The following GALC variants were observed in gnomAD, a reference collection of about 807,000 sequenced individuals.
GALC encodes galactosylceramidase.
In GALC, 77 loss-of-function variants were observed where a neutral mutation model predicts 91.8. The ratio of observed to expected loss-of-function variants is 0.84; its 90% CI spans 0.70 to 1.01. The LOEUF is 1.01. GALC is among the 50% of genes least tolerant of loss of function. The pLI is 0.00. For missense variants in GALC, 882 were observed against 855.9 expected (o/e 1.03, Z -0.38); for synonymous variants, 357 against 306.7 (o/e 1.16, Z -1.71).
intron 10 of GALC, among the ~76,000 whole-genome samples, chr14:87,956,636 A>T (rs1038192603): frequency 6.8e-6 from 1 of 147,748 alleles, no homozygotes; most frequent in Admixed American, 6.7e-5. Flanking sequence ...TATATATGGT[A>T]TATATATATT....
chr14:87,937,538 C>T (rs1156668556), intron 16 of GALC, among the ~76,000 whole-genome samples: 1 of 151,734 alleles, frequency 6.6e-6, no homozygotes, highest in Non-Finnish European at 1.5e-5. Context: ...AAGTCCTATC[C>T]ATCCTAGTAG....
chr14:87,941,039 G>A (rs536913432), intron 15 of GALC, among the ~76,000 whole-genome samples: 1 of 151,886 alleles, frequency 6.6e-6, no homozygotes, highest in Non-Finnish European at 1.5e-5. Flanking sequence ...AGCAACAGTC[G>A]TATACTCTTG....
At chr14:87,953,427 T>C (rs1241066936) in intron 10 of GALC, 17 of 1,491,380 alleles carry the variant, frequency 1.1e-5, no homozygotes, top group Non-Finnish European at 1.5e-5. Context: ...CTCTTGAACA[T>C]TTTAGTCCTG....
intron 7 of GALC, among the ~76,000 whole-genome samples, chr14:87,975,550 G>A (rs1595225362): frequency 6.6e-6 from 1 of 152,026 alleles, no homozygotes; most frequent in African/African-American, 2.4e-5. Flanking sequence ...AATGTAGGCA[G>A]GAAAGGAAGA....
intron 9 of GALC, among the ~76,000 whole-genome samples, chr14:87,963,871 G>T (rs991249868): frequency 4.0e-5 from 6 of 151,862 alleles, no homozygotes; most frequent in African/African-American, 1.5e-4. Context: ...AGTTAATAAT[G>T]AATTTCAGAA....
intron 8 of GALC, among the ~76,000 whole-genome samples, chr14:87,967,300 C>T (rs1235816032): frequency 6.6e-6 from 1 of 152,122 alleles, no homozygotes; most frequent in Non-Finnish European, 1.5e-5. Flanking sequence ...GGATGGTTAG[C>T]TCTGGATCAT....
chr14:87,956,656 C>A (rs752128600), intron 10 of GALC, among the ~76,000 whole-genome samples: 45 of 151,040 alleles, frequency 3.0e-4, no homozygotes, highest in South Asian at 4.2e-4. Flanking sequence ...TTCCTTTATC[C>A]ACTCATCAGT....
intron 7 of GALC, among the ~76,000 whole-genome samples, chr14:87,972,048 G>C (rs1417252149): frequency 6.6e-6 from 1 of 152,062 alleles, no homozygotes; most frequent in East Asian, 1.9e-4. Flanking sequence ...AATGAGGCAG[G>C]GAGGAATAGT....
intron 10 of GALC, among the ~76,000 whole-genome samples, chr14:87,959,080 T>C (rs1885687603): frequency 6.6e-6 from 1 of 152,036 alleles, no homozygotes; most frequent in South Asian, 2.1e-4. Context: ...AAATTATACA[T>C]GAGACAAGGG....
At chr14:87,992,430 G>C in intron 1 of GALC, 8 of 1,535,356 alleles carry the variant, frequency 5.2e-6, no homozygotes, top group Non-Finnish European at 7.0e-6. Flanking sequence ...AATCCTATTC[G>C]GCGCTACCCT....
At chr14:87,977,868 G>A (rs916514797) in intron 6 of GALC, among the ~76,000 whole-genome samples, 2 of 152,156 alleles carry the variant, frequency 1.3e-5, no homozygotes, top group African/African-American at 4.8e-5. Context: ...AAAACGGGGT[G>A]AAAATTAGAG....
chr14:87,941,494 C>A lies in GALC; in HGVS notation c.1735G>T (p.Ala579Ser). Residue 579 changes from alanine (A) to serine (S), a missense_variant, in exon 15 of 17, where the codon GCA (alanine) becomes TCA (serine). Coordinates refer to ENST00000261304, the MANE Select transcript of GALC (RefSeq NM_000153.4). ...ATACCACCTTTATTTACTCTTCCTG[C>A]AATGAACACACCTCCTGTGTCAGGG... is the stretch of plus-strand genomic sequence containing the variant. ...ETPDTGGVFI[A>S]GRVNKGGILI... is the part of the protein sequence containing the mutation. The A allele has an allele frequency of 6.3e-7, 1 of 1,599,916 alleles. No homozygotes were observed. Among genetic ancestry groups the A allele is most frequent in the Non-Finnish European group, 8.6e-7 (1 of 1,167,428 alleles).
rs768031195 is a variant in GALC, at chr14:87,993,101, C to G, written c.64G>C (p.Gly22Arg). Residue 22 changes from glycine (G) to arginine (R), a missense_variant, in exon 1 of 17, where the codon GGT becomes CGT. Gly to Arg is a moderately radical substitution (Grantham distance 125, BLOSUM62 -2). Transcript: ENST00000261304. ...RRAKAMTAAA[G>R]SAGRAAVPLL... The stretch of plus-strand genomic sequence containing the variant: ...GGCACCGCGGCGCGGCCCGCCGAAC[C>G]CGCGGCCGCAGTCATAGCTTTCGCT... The G allele has an allele frequency of 4.4e-6, 7 of 1,587,708 alleles. No homozygotes were observed. The highest frequency in any genetic ancestry group is 1.8e-5 in the Admixed American group (1 of 56,640).
At chr14:87,988,123 C>G (rs1887048922) in intron 3 of GALC, 21 bp downstream of exon 3, 1 of 1,591,902 alleles carries the variant, frequency 6.3e-7, no homozygotes, top group South Asian at 1.1e-5. Context: ...GGGAGAAATC[C>G]TATCTCCCAA....
In GALC at chr14:87,968,494, GA is replaced by G. The variant is rs533067313; in HGVS notation, c.753-5del. 24 of 1,597,424 alleles carry G rather than the reference GA, an allele frequency of 1.5e-5. No homozygotes were observed. The highest frequency in any genetic ancestry group is 2.2e-5 in the South Asian group (2 of 90,396). On this transcript the variant is annotated splice_polypyrimidine_tract_variant and splice_region_variant and intron_variant, in intron 7 of 16. Transcript: ENST00000261304. ...ATGGGTTCCAGGATAATGAGCCCTA[GA>G]AAAAAAAAGGGTGGAAGTCAATGAA...
intron 9 of GALC, among the ~76,000 whole-genome samples, chr14:87,963,962 C>A (rs890894229): frequency 1.3e-5 from 2 of 152,056 alleles, no homozygotes; most frequent in African/African-American, 2.4e-5. Context: ...CCTGAAAATG[C>A]ACTAAGCAAT....
At chr14:87,937,173 T>G (rs942568075) in intron 16 of GALC, among the ~76,000 whole-genome samples, 3 of 151,580 alleles carry the variant, frequency 2.0e-5, no homozygotes, top group African/African-American at 7.3e-5. Context: ...GAAGATGATG[T>G]TTTGTTTTTT....
intron 10 of GALC, among the ~76,000 whole-genome samples, chr14:87,963,023 C>A (rs1476052415): frequency 6.6e-6 from 1 of 152,118 alleles, no homozygotes; most frequent in African/African-American, 2.4e-5. Flanking sequence ...GACTTAAGGT[C>A]TCCCCAAAAC....
At chr14:87,991,241 C>T (rs1449878465) in intron 1 of GALC, among the ~76,000 whole-genome samples, 2 of 152,132 alleles carry the variant, frequency 1.3e-5, no homozygotes, top group East Asian at 1.9e-4. Flanking sequence ...CTCACTCTGT[C>T]GCCCAGGCTG....
Sources: gnomAD v4.1 joint callset for allele counts (sites outside exome capture counted in the v4.1 genomes callset) on GRCh38, gnomAD v4.1.1 for gene constraint, MANE v1.5 for transcripts, NCBI Gene and HGNC (gene_info 2026-07-23, HGNC 2026-07-21) for gene names.